Variants in SPACDR observed in about 807,000 individuals in gnomAD.
The protein encoded by SPACDR is sperm acrosome developmental regulator.
At chr7:100,457,774 C>T in the SPACDR span, among the ~76,000 whole-genome samples, 1 of 141,302 alleles carries the variant, frequency 7.1e-6, no homozygotes, top group Non-Finnish European at 1.5e-5. Flanking sequence ...TCGTGCACCA[C>T]CATGCCCGGC....
chr7:100,462,157 A>T, the SPACDR span, among the ~76,000 whole-genome samples: 1 of 152,130 alleles, frequency 6.6e-6, no homozygotes, highest in African/African-American at 2.4e-5. Context: ...AGTCTTGTTC[A>T]TTGTTGTATC....
chr7:100,461,979 T>C, the SPACDR span, among the ~76,000 whole-genome samples: 5 of 105,628 alleles, frequency 4.7e-5, no homozygotes, highest in African/African-American at 1.9e-4. Context: ...GGCGACAGAC[T>C]CCGTCTCAAA....
chr7:100,460,008 G>A, the SPACDR span, among the ~76,000 whole-genome samples: 1 of 151,448 alleles, frequency 6.6e-6, no homozygotes, highest in African/African-American at 2.4e-5. Context: ...TCCTGCCTCA[G>A]CCTCCCAAGT....
At chr7:100,461,575 G>C in the SPACDR span, among the ~76,000 whole-genome samples, 6 of 151,886 alleles carry the variant, frequency 4.0e-5, no homozygotes, top group Non-Finnish European at 8.8e-5. Context: ...ACTGTGCCTG[G>C]CCACACATTT....
At chr7:100,458,028 G>C in the SPACDR span, among the ~76,000 whole-genome samples, 1 of 151,400 alleles carries the variant, frequency 6.6e-6, no homozygotes, top group Non-Finnish European at 1.5e-5. Flanking sequence ...ATTGTAGACT[G>C]ACTGACCTGC....
At chr7:100,460,364 A>G in the SPACDR span, among the ~76,000 whole-genome samples, 1 of 151,818 alleles carries the variant, frequency 6.6e-6, no homozygotes, top group African/African-American at 2.4e-5. Context: ...CTGAGGTGGG[A>G]GGATCGCCTG....
the SPACDR span, among the ~76,000 whole-genome samples, chr7:100,458,195 GGTGTGTGTGT>G: frequency 3.1e-3 from 429 of 137,118 alleles, 4 homozygotes; most frequent in African/African-American, 8.9e-3. Flanking sequence ...TGTACTCACT[GGTGTGTGTGT>G]GTGTGTGTGT....
the SPACDR span, chr7:100,463,842 C>T: frequency 1.5e-6 from 2 of 1,318,754 alleles, no homozygotes; most frequent in Non-Finnish European, 2.2e-6. Context: ...TTTCCTTCCT[C>T]CCCACTCCAT....
At chr7:100,457,011 T>G in the SPACDR span, 1 of 1,562,304 alleles carries the variant, frequency 6.4e-7, no homozygotes, top group Non-Finnish European at 8.7e-7. Context: ...AAGATGTGCA[T>G]GCGTAAATAG....
At chr7:100,459,313 A>AT in the SPACDR span, among the ~76,000 whole-genome samples, 1 of 99,470 alleles carries the variant, frequency 1.0e-5, no homozygotes, top group Non-Finnish European at 2.1e-5. Context: ...CCCGGCCTTT[A>AT]TTTTTTCAGG....
At chr7:100,460,948 C>T in the SPACDR span, among the ~76,000 whole-genome samples, 1 of 152,164 alleles carries the variant, frequency 6.6e-6, no homozygotes, top group Admixed American at 6.6e-5. Flanking sequence ...CAAATGTCTT[C>T]AAGGGCTCCC....
At chr7:100,463,998 A>G in the SPACDR span, 3 of 1,599,106 alleles carry the variant, frequency 1.9e-6, no homozygotes, top group Non-Finnish European at 2.6e-6. Context: ...CGTCTAACCC[A>G]TCGGAAGAAC....
At chr7:100,458,710 G>T in the SPACDR span, among the ~76,000 whole-genome samples, 3 of 152,180 alleles carry the variant, frequency 2.0e-5, no homozygotes, top group Non-Finnish European at 4.4e-5. Context: ...TGGATCACCT[G>T]AAGTCAGGAG....
chr7:100,456,994 G>T, the SPACDR span: 1 of 1,602,494 alleles, frequency 6.2e-7, no homozygotes, highest in South Asian at 1.1e-5. Context: ...GACTGTAAGA[G>T]AAAGAGAAGA....
At chr7:100,461,233 A>C in the SPACDR span, among the ~76,000 whole-genome samples, 1 of 151,908 alleles carries the variant, frequency 6.6e-6, no homozygotes, top group Non-Finnish European at 1.5e-5. Flanking sequence ...ACAGCGGTGC[A>C]CCACCACACC....
At chr7:100,463,307 G>A in the SPACDR span, 3 of 1,365,054 alleles carry the variant, frequency 2.2e-6, no homozygotes, top group South Asian at 1.4e-5. Context: ...ATCAGAGGGA[G>A]GGGTGAGTCA....
At chr7:100,464,053 AAGGG>A in the SPACDR span, 1 of 1,200,708 alleles carries the variant, frequency 8.3e-7, no homozygotes, top group African/African-American at 1.9e-5. Flanking sequence ...ACACAGAAGA[AAGGG>A]CAGAGCTAGC....
the SPACDR span, among the ~76,000 whole-genome samples, chr7:100,457,855 A>ATTTTT: frequency 2.9e-5 from 2 of 68,004 alleles, no homozygotes; most frequent in African/African-American, 1.2e-4. Context: ...ATATATATAT[A>ATTTTT]TATTTTTTTT....
chr7:100,463,236 A>C, the SPACDR span: 1 of 748,368 alleles, frequency 1.3e-6, no homozygotes, highest in Non-Finnish European at 2.1e-6. Context: ...AGCCTCCCAA[A>C]GTGCTGGGAT....
Sources: gnomAD v4.1 joint callset for allele counts (sites outside exome capture counted in the v4.1 genomes callset) on GRCh38, gnomAD v4.1.1 for gene constraint, MANE v1.5 for transcripts, NCBI Gene and HGNC (gene_info 2026-07-23, HGNC 2026-07-21) for gene names.